The following YWHAQ variants were observed in gnomAD, a reference collection of about 807,000 sequenced individuals.
YWHAQ encodes the protein tyrosine 3-monooxygenase/tryptophan 5-monooxygenase activation protein theta.
A neutral mutation model predicts 28.3 loss-of-function variants in YWHAQ; 6 were observed. That is an observed-to-expected ratio of 0.21 (90% confidence interval 0.12 to 0.42). YWHAQ has a LOEUF of 0.42. YWHAQ is among the 10% of genes least tolerant of loss of function. YWHAQ has a pLI of 1.00. For synonymous variants in YWHAQ, 143 were observed against 119.1 expected, an observed-to-expected ratio of 1.20 and a Z score of -1.31; for missense variants, 201 against 305.6, an observed-to-expected ratio of 0.66 and a Z score of 2.55.
Position 9,630,084 on chromosome 2 carries a change from T to C in YWHAQ, c.294+75A>G. Reference sequence around the variant, plus strand: ...TCCGGCAAGCCCCGGCTCACGTTTGTTTCCGTGCCCGCGAAACTCTCAATG... The same window carrying C: ...TCCGGCAAGCCCCGGCTCACGTTTGCTTCCGTGCCCGCGAAACTCTCAATG... On this transcript the variant is annotated intron_variant, in intron 2 of 5. Coordinates refer to ENST00000238081, the MANE Select transcript of YWHAQ (RefSeq NM_006826.4). The surrounding 1 kb of genome is among the most constrained non-coding windows in gnomAD (Gnocchi z 5.6). 6.5e-7 allele frequency: 1 copy of C among 1,548,860 alleles called. No homozygotes were observed. The highest frequency in any genetic ancestry group is 8.7e-7 in the Non-Finnish European group (1 of 1,144,078).
At chr2:9,612,465 C>A (rs953276471) in intron 2 of YWHAQ, among the ~76,000 whole-genome samples, 2 of 152,172 alleles carry the variant, frequency 1.3e-5, no homozygotes, top group African/African-American at 4.8e-5. Flanking sequence ...TTAGTAACCA[C>A]CACAGCAGGG....
chr2:9,590,951 T>C (rs1022515759), intron 3 of YWHAQ, among the ~76,000 whole-genome samples: 28 of 152,302 alleles, frequency 1.8e-4, no homozygotes, highest in African/African-American at 6.7e-4. Context: ...AAATAGACGA[T>C]AATGAATATG....
intron 2 of YWHAQ, among the ~76,000 whole-genome samples, chr2:9,627,472 T>G (rs1667270112): frequency 6.6e-6 from 1 of 152,204 alleles, no homozygotes; most frequent in Admixed American, 6.5e-5. Context: ...ATCACTTGTC[T>G]TATAACTTCC....
chr2:9,619,817 T>C (rs1394697901), intron 2 of YWHAQ, among the ~76,000 whole-genome samples: 1 of 152,186 alleles, frequency 6.6e-6, no homozygotes, highest in Non-Finnish European at 1.5e-5. Context: ...TATTCCCAAA[T>C]GACTGGAAAC....
chr2:9,596,865 G>T (rs989600118), intron 2 of YWHAQ, among the ~76,000 whole-genome samples: 1 of 152,114 alleles, frequency 6.6e-6, no homozygotes. Context: ...GGCTGGTCTC[G>T]AACTCCTGAC....
chr2:9,589,826 G>C (rs531966427), intron 3 of YWHAQ, among the ~76,000 whole-genome samples: 2 of 152,256 alleles, frequency 1.3e-5, no homozygotes, highest in African/African-American at 4.8e-5. Flanking sequence ...AAAATGTTCA[G>C]TATTACCAAC....
chr2:9,612,673 C>A (rs1666971704), intron 2 of YWHAQ, among the ~76,000 whole-genome samples: 1 of 152,158 alleles, frequency 6.6e-6, no homozygotes, highest in Admixed American at 6.5e-5. Context: ...GTAACATATG[C>A]AAGTATTCTT....
chr2:9,588,128 G>A (rs2125061794), intron 4 of YWHAQ, 37 bp downstream of exon 4: 2 of 1,496,934 alleles, frequency 1.3e-6, no homozygotes, highest in East Asian at 5.1e-5. Context: ...TCAAATAACT[G>A]TAGCTAAAGT....
intron 2 of YWHAQ, among the ~76,000 whole-genome samples, chr2:9,608,534 T>A (rs1344830971): frequency 6.6e-6 from 1 of 152,196 alleles, no homozygotes; most frequent in Non-Finnish European, 1.5e-5. Context: ...GCTGAAAATG[T>A]TAAAAATGGG....
In YWHAQ at chr2:9,630,463, G is replaced by A; in HGVS notation, c.-11C>T. 2 of 1,575,590 alleles carry A rather than the reference G, an allele frequency of 1.3e-6. No individual in the cohort carries two copies. Among genetic ancestry groups the A allele is most frequent in the South Asian group, 2.3e-5 (2 of 87,874 alleles). On this transcript the variant is annotated 5_prime_UTR_variant, in exon 2 of 6. Coordinates refer to ENST00000238081, the MANE Select transcript of YWHAQ (RefSeq NM_006826.4). The surrounding 1 kb of genome is among the most constrained non-coding windows in gnomAD (Gnocchi z 5.6). ...CTCAGTCTTCTCCATGGCGGGCGCGGGGCCGGGGCCGGGGCGGAGGGCGAG... is the reference window on the plus strand; with the variant it reads ...CTCAGTCTTCTCCATGGCGGGCGCGAGGCCGGGGCCGGGGCGGAGGGCGAG...
chr2:9,615,827 T>C (rs1170947957), intron 2 of YWHAQ, among the ~76,000 whole-genome samples: 1 of 152,114 alleles, frequency 6.6e-6, no homozygotes, highest in East Asian at 1.9e-4. Flanking sequence ...AACACGATTC[T>C]AGAAAAGGGG....
At chr2:9,585,480 C>G in intron 5 of YWHAQ, 135 bp from the exon 6 acceptor site, 1 of 987,348 alleles carries the variant, frequency 1.0e-6, no homozygotes, top group Non-Finnish European at 1.5e-6. Context: ...GACTGAAGTT[C>G]TCTCTCAAAA....
At chr2:9,608,316 G>C (rs1029272113) in intron 2 of YWHAQ, among the ~76,000 whole-genome samples, 13 of 152,188 alleles carry the variant, frequency 8.5e-5, no homozygotes, top group Non-Finnish European at 4.4e-5. Flanking sequence ...GAAAGCTACA[G>C]CAATAAGTGA....
At position 9,630,460 on chromosome 2, in the gene YWHAQ, G is replaced by GCGGGGCCGGGGCCGGGGC. The variant is rs200302461; in HGVS notation, c.-26_-9dup. On this transcript the variant is annotated 5_prime_UTR_variant, in exon 2 of 6. Transcript: ENST00000238081. This position sits in a 1 kb window ranked among gnomAD's most constrained non-coding sequence, Gnocchi z 5.6. ...CAGCTCAGTCTTCTCCATGGCGGGCGCGGGGCCGGGGCCGGGGCGGAGGGC... is the reference window on the plus strand; with the variant it reads ...CAGCTCAGTCTTCTCCATGGCGGGCGCGGGGCCGGGGCCGGGGCCGGGGCCGGGGCCGGGGCGGAGGGC... The GCGGGGCCGGGGCCGGGGC allele has an allele frequency of 6.3e-7, 1 of 1,575,674 alleles. No homozygotes were observed. Among genetic ancestry groups the GCGGGGCCGGGGCCGGGGC allele is most frequent in the Non-Finnish European group, 8.6e-7 (1 of 1,161,784 alleles).
At chr2:9,617,832 T>G (rs752717324) in intron 2 of YWHAQ, among the ~76,000 whole-genome samples, 1 of 151,136 alleles carries the variant, frequency 6.6e-6, no homozygotes, top group African/African-American at 2.4e-5. Flanking sequence ...GAGGCTGAAG[T>G]AGGAGGATCC....
intron 2 of YWHAQ, among the ~76,000 whole-genome samples, chr2:9,625,732 T>C (rs1667236161): frequency 6.6e-6 from 1 of 152,128 alleles, no homozygotes; most frequent in African/African-American, 2.4e-5. Context: ...TAGTGTGCAG[T>C]GAATACCTGG....
chr2:9,616,612 C>G (rs1667046300), intron 2 of YWHAQ, among the ~76,000 whole-genome samples: 1 of 150,148 alleles, frequency 6.7e-6, no homozygotes, highest in Non-Finnish European at 1.5e-5. Context: ...ATGATAAAAA[C>G]ACAAATAACC....
At position 9,630,708 on chromosome 2, in the gene YWHAQ, G is replaced by GGCGGGGGCGGC. The variant is rs1000738031; in HGVS notation, c.-82-185_-82-175dup. 1 of 204,968 alleles carries GGCGGGGGCGGC rather than the reference G, an allele frequency of 4.9e-6. No homozygotes were observed. The highest frequency in any genetic ancestry group is 9.7e-6 in the Non-Finnish European group (1 of 103,552). 12.7% of individuals were successfully genotyped at this position (204,968 alleles called of 1,614,324 possible). A position where few individuals can be genotyped will look rare whatever the true frequency, so the allele number is the denominator to read the frequency against. ...GAGGCCGCGGCCCGCGGCTGGAGGA[G>GGCGGGGGCGGC]GCGGGGGCGGCGCGGAGGCCCCGCG... On this transcript the variant is annotated intron_variant, in intron 1 of 5. Coordinates refer to ENST00000238081, the MANE Select transcript of YWHAQ (RefSeq NM_006826.4). This position sits in a 1 kb window ranked among gnomAD's most constrained non-coding sequence, Gnocchi z 5.6.
intron 2 of YWHAQ, among the ~76,000 whole-genome samples, chr2:9,593,658 G>C (rs1666504299): frequency 6.6e-6 from 1 of 151,790 alleles, no homozygotes; most frequent in South Asian, 2.1e-4. Context: ...ATGGGACCCT[G>C]TCTCTACAAA....
Sources: allele counts gnomAD v4.1 joint callset (sites outside exome capture counted in the v4.1 genomes callset), GRCh38; gene constraint gnomAD v4.1.1; non-coding constraint Gnocchi (gnomAD v3.1); transcripts MANE v1.5; gene names NCBI Gene and HGNC (gene_info 2026-07-23, HGNC 2026-07-21).